Variants in DCLK3 observed in about 807,000 individuals in gnomAD.
The protein encoded by DCLK3 is doublecortin like kinase 3, also known as serine/threonine-protein kinase DCLK3.
In DCLK3, 30 loss-of-function variants were observed where a neutral mutation model predicts 46.4. The observed-to-expected ratio is 0.65, with a 90% CI of 0.48 to 0.88. The LOEUF (loss-of-function observed/expected upper bound fraction) is 0.88, where lower values mean the gene tolerates loss of function less well. DCLK3 is among the 40% of genes least tolerant of loss of function. The probability of loss-of-function intolerance (pLI) is 0.00; values close to 1 mark genes in which losing one functional copy is unlikely to be tolerated. For missense variants in DCLK3, 846 were observed against 907.1 expected, an observed-to-expected ratio of 0.93 and a Z score of 0.87; for synonymous variants, 401 against 339.2, an observed-to-expected ratio of 1.18 and a Z score of -2.00.
Position 36,715,097 on chromosome 3 carries a change from GC to G in DCLK3, c.*230del. 1 of 516,916 alleles carries G rather than the reference GC, an allele frequency of 1.9e-6. No individual in the cohort carries two copies. The highest frequency in any genetic ancestry group is 2.0e-5 in the African/African-American group (1 of 50,630). The allele number at this position is 516,916 out of a possible 1,614,324, so 32.0% of individuals were successfully genotyped here. On this transcript the variant is annotated 3_prime_UTR_variant, in exon 5 of 5. Coordinates refer to ENST00000636136, the MANE Select transcript of DCLK3 (RefSeq NM_001394672.2). Reference sequence around the variant, plus strand: ...ACCAAAATTCCTCACTGATGACAATGCTTACCCCCCAAAAATGTATTAAAGG... The same window carrying G: ...ACCAAAATTCCTCACTGATGACAATGTTACCCCCCAAAAATGTATTAAAGG...
intron 1 of DCLK3, among the ~76,000 whole-genome samples, chr3:36,761,281 G>T (rs1301378541): frequency 6.6e-6 from 1 of 152,034 alleles, no homozygotes; most frequent in Non-Finnish European, 1.5e-5. Context: ...TTTCCCCTTT[G>T]ACCATCAAAG....
At chr3:36,725,041 T>G (rs1575136558) in intron 2 of DCLK3, among the ~76,000 whole-genome samples, 1 of 149,146 alleles carries the variant, frequency 6.7e-6, no homozygotes, top group African/African-American at 2.5e-5. Flanking sequence ...TGGGCCGGGC[T>G]CGGTGGCTCA....
At chr3:36,741,132 T>C (rs1701340201) in intron 1 of DCLK3, among the ~76,000 whole-genome samples, 1 of 152,176 alleles carries the variant, frequency 6.6e-6, no homozygotes, top group Admixed American at 6.5e-5. Context: ...TGCCTCCATT[T>C]TTGTCTGAGA....
At chr3:36,724,606 A>T (rs1205367508) in intron 2 of DCLK3, among the ~76,000 whole-genome samples, 1 of 152,118 alleles carries the variant, frequency 6.6e-6, no homozygotes, top group Non-Finnish European at 1.5e-5. Flanking sequence ...GAGATCTGAC[A>T]GTTTCAAAAA....
intron 2 of DCLK3, among the ~76,000 whole-genome samples, chr3:36,734,788 C>A (rs1225419332): frequency 6.6e-6 from 1 of 152,118 alleles, no homozygotes. Flanking sequence ...CATGTACTGA[C>A]ATTTAAACCA....
chr3:36,730,018 A>G (rs942565969), intron 2 of DCLK3, among the ~76,000 whole-genome samples: 1 of 152,168 alleles, frequency 6.6e-6, no homozygotes, highest in Non-Finnish European at 1.5e-5. Flanking sequence ...CTCTACAAAA[A>G]ATACCAAAAT....
intron 1 of DCLK3, among the ~76,000 whole-genome samples, chr3:36,751,320 G>A (rs1701439903): frequency 6.6e-6 from 1 of 152,188 alleles, no homozygotes; most frequent in African/African-American, 2.4e-5. Flanking sequence ...CTCTGCTGGT[G>A]GAGCACCAAG....
intron 1 of DCLK3, among the ~76,000 whole-genome samples, chr3:36,761,640 C>A (rs759681677): frequency 6.6e-6 from 1 of 152,154 alleles, no homozygotes; most frequent in Non-Finnish European, 1.5e-5. Flanking sequence ...ACTCAGGATG[C>A]CAGATCAGAT....
chr3:36,758,048 C>T (rs2125539263), intron 1 of DCLK3, among the ~76,000 whole-genome samples: 2 of 152,282 alleles, frequency 1.3e-5, no homozygotes, highest in East Asian at 3.9e-4. Context: ...CCACCCCATA[C>T]ACCCTGGGAA....
At chr3:36,730,264 G>GA (rs1419213800) in intron 2 of DCLK3, among the ~76,000 whole-genome samples, 194 of 146,602 alleles carry the variant, frequency 1.3e-3, no homozygotes, top group African/African-American at 4.6e-3. Context: ...AAGTATGACT[G>GA]AAAAAAAAAA....
chr3:36,729,248 TGGGG>T (rs71085143), intron 2 of DCLK3, among the ~76,000 whole-genome samples: 3,895 of 92,714 alleles, frequency 0.042, 236 homozygotes, highest in African/African-American at 0.15. Flanking sequence ...TGTGTGTGTG[TGGGG>T]GGGGGGGGTA....
At chr3:36,755,880 A>G (rs949397506) in intron 1 of DCLK3, among the ~76,000 whole-genome samples, 19 of 152,234 alleles carry the variant, frequency 1.2e-4, no homozygotes, top group Non-Finnish European at 2.2e-4. Flanking sequence ...CTGATCCTCC[A>G]TTCAAAGCAC....
chr3:36,762,875 G>A (rs906542151), intron 1 of DCLK3, among the ~76,000 whole-genome samples: 2 of 151,988 alleles, frequency 1.3e-5, no homozygotes, highest in East Asian at 3.8e-4. Context: ...CTTCAGTGAA[G>A]CAATTTAAAT....
chr3:36,762,612 C>T (rs578038731), intron 1 of DCLK3, among the ~76,000 whole-genome samples: 2 of 152,198 alleles, frequency 1.3e-5, no homozygotes, highest in South Asian at 2.1e-4. Flanking sequence ...AGGGGCTGCC[C>T]CAGGGGAGAT....
intron 3 of DCLK3, among the ~76,000 whole-genome samples, chr3:36,720,930 G>T (rs1038972520): frequency 2.0e-5 from 3 of 152,086 alleles, no homozygotes; most frequent in Non-Finnish European, 4.4e-5. Flanking sequence ...TGGGTAAATT[G>T]GTTTCTCCTG....
intron 2 of DCLK3, among the ~76,000 whole-genome samples, chr3:36,733,304 C>A (rs908666189): frequency 2.0e-5 from 3 of 152,188 alleles, no homozygotes; most frequent in Non-Finnish European, 4.4e-5. Context: ...AGCATGCCCA[C>A]CCTGCTCATT....
intron 2 of DCLK3, among the ~76,000 whole-genome samples, chr3:36,732,471 T>A (rs4678900): frequency 0.34 from 51,229 of 152,062 alleles, 9,563 homozygotes; most frequent in Non-Finnish European, 0.43. Context: ...CCTACAGTCA[T>A]AACTGCAATG....
intron 2 of DCLK3, among the ~76,000 whole-genome samples, chr3:36,733,938 T>C (rs1372287607): frequency 6.6e-6 from 1 of 152,192 alleles, no homozygotes; most frequent in African/African-American, 2.4e-5. Context: ...CAATCAGCCA[T>C]GTAATCAAAA....
chr3:36,745,115 T>C (rs1414491150), intron 1 of DCLK3, among the ~76,000 whole-genome samples: 1 of 152,250 alleles, frequency 6.6e-6, no homozygotes, highest in Non-Finnish European at 1.5e-5. Flanking sequence ...GTTTCCTGTC[T>C]AATTTACTTA....
Sources: allele counts gnomAD v4.1 joint callset (sites outside exome capture counted in the v4.1 genomes callset), GRCh38; gene constraint gnomAD v4.1.1; transcripts MANE v1.5; gene names NCBI Gene and HGNC (gene_info 2026-07-23, HGNC 2026-07-21).